Variants in SNX25 observed in about 807,000 individuals in gnomAD.
The protein encoded by SNX25 is sorting nexin-25.
Under a neutral mutation model 113.7 loss-of-function variants are expected in SNX25, and 62 were observed. That is an observed-to-expected ratio of 0.55 (90% CI 0.44 to 0.67). The LOEUF (loss-of-function observed/expected upper bound fraction) is 0.67, where lower values mean the gene tolerates loss of function less well. SNX25 is among the 30% of genes least tolerant of loss of function. The pLI, the probability that SNX25 is intolerant of heterozygous loss-of-function variation, is 0.00. For synonymous variants in SNX25, 421 were observed against 436.2 expected, an observed-to-expected ratio of 0.97 and a Z score of 0.43; for missense variants, 1,014 against 1,161.0, an observed-to-expected ratio of 0.87 and a Z score of 1.84.
At chr4:185,345,928 G>A (rs2095283821) in intron 12 of SNX25, among the ~76,000 whole-genome samples, 1 of 152,016 alleles carries the variant, frequency 6.6e-6, no homozygotes, top group South Asian at 2.1e-4. Flanking sequence ...TGCAACATCA[G>A]CTCACTGCAG....
At chr4:185,261,108 CTGTCTCTGTGTG>C (rs1560944975) in intron 3 of SNX25, among the ~76,000 whole-genome samples, 6 of 130,772 alleles carry the variant, frequency 4.6e-5, no homozygotes, top group African/African-American at 1.5e-4. Context: ...GTCTGTCTGT[CTGTCTCTGTGTG>C]TGTGTGTGTG....
Position 185,310,724 on chromosome 4 carries a change from T to G in SNX25, c.1252T>G (p.Cys418Gly). 1.2e-6 allele frequency: 2 copies of G among 1,613,916 alleles called. No individual in the cohort carries two copies. Among genetic ancestry groups the G allele is most frequent in the Non-Finnish European group, 1.7e-6 (2 of 1,179,956 alleles). ...INQLTVAKKQ[C>G]EKRIRILGGP... ...CCAACTGACTGTGGCAAAGAAGCAGTGTGAGAAGAGAATCCGAATCCTGGG... is the reference window on the plus strand; with the variant it reads ...CCAACTGACTGTGGCAAAGAAGCAGGGTGAGAAGAGAATCCGAATCCTGGG... Residue 418 changes from cysteine to glycine, a missense_variant, in exon 7 of 19, where the codon TGT (cysteine) becomes GGT (glycine). Transcript: ENST00000652585.
At chr4:185,231,078 C>T (rs1439304450) in intron 1 of SNX25, among the ~76,000 whole-genome samples, 1 of 150,000 alleles carries the variant, frequency 6.7e-6, no homozygotes, top group Admixed American at 6.7e-5. Context: ...GTCTTAATAA[C>T]ATGTTTCTTT....
intron 11 of SNX25, among the ~76,000 whole-genome samples, chr4:185,340,223 A>G (rs941340538): frequency 2.0e-5 from 3 of 152,194 alleles, no homozygotes; most frequent in East Asian, 1.9e-4. Context: ...GGTATTTAAT[A>G]TGGCTTATCT....
At chr4:185,349,556 T>C (rs371433211) in intron 13 of SNX25, among the ~76,000 whole-genome samples, 137 of 152,308 alleles carry the variant, frequency 9.0e-4, no homozygotes, top group African/African-American at 3.0e-3. Flanking sequence ...CCCTTTTCTT[T>C]CATATCCTTG....
chr4:185,204,754 T>C (rs980533436), upstream of SNX25, among the ~76,000 whole-genome samples: 1 of 152,196 alleles, frequency 6.6e-6, no homozygotes, highest in Non-Finnish European at 1.5e-5. Flanking sequence ...TAGTGGGAGC[T>C]GTGAGCACAG....
At chr4:185,357,062 G>A (rs2095342435) in intron 15 of SNX25, among the ~76,000 whole-genome samples, 1 of 152,122 alleles carries the variant, frequency 6.6e-6, no homozygotes, top group South Asian at 2.1e-4. Flanking sequence ...GAGGAAATTG[G>A]GGTTCAGAGA....
intron 14 of SNX25, 197 bp from the exon 15 acceptor site, chr4:185,353,288 G>A: frequency 2.1e-6 from 1 of 478,896 alleles, no homozygotes; most frequent in East Asian, 3.0e-5. Context: ...CTTATTTTAA[G>A]CCTTGAATAA....
intron 1 of SNX25, among the ~76,000 whole-genome samples, chr4:185,214,409 A>AG (rs1235926203): frequency 3.2e-4 from 48 of 151,350 alleles, no homozygotes; most frequent in African/African-American, 1.1e-3. Flanking sequence ...AAAAAAAAAA[A>AG]AAAGAAAAAA....
At chr4:185,207,627 TG>T (rs1187451259), upstream of SNX25, 1 of 152,330 alleles carries the variant, frequency 6.6e-6, no homozygotes, top group East Asian at 1.9e-4. Context: ...GGAAGCATCA[TG>T]GCATAGCGAT....
intron 1 of SNX25, among the ~76,000 whole-genome samples, chr4:185,222,841 G>A (rs1740210220): frequency 6.6e-6 from 1 of 152,186 alleles, no homozygotes; most frequent in Non-Finnish European, 1.5e-5. Flanking sequence ...TAATAACTGT[G>A]ACAGTGGGCA....
intron 6 of SNX25, among the ~76,000 whole-genome samples, chr4:185,306,811 CTTAGTT>C (rs1195113120): frequency 1.3e-5 from 2 of 152,232 alleles, no homozygotes; most frequent in Non-Finnish European, 2.9e-5. Context: ...CACAAAACAT[CTTAGTT>C]TGCAATAGAC....
At chr4:185,261,563 G>A (rs535149628) in intron 3 of SNX25, among the ~76,000 whole-genome samples, 2 of 152,290 alleles carry the variant, frequency 1.3e-5, no homozygotes, top group East Asian at 1.9e-4. Context: ...GAAAAATTCA[G>A]TGGTTTTATG....
Position 185,210,942 on chromosome 4 carries a change from G to T in SNX25, c.429+687G>T, listed in dbSNP as rs796159465. ...GGAAAGAACAGTGTTTTAAATGAGC[G>T]CTTCTCTTCTTCAGTGCCAAACCCA... On this transcript the variant is annotated intron_variant, in intron 1 of 18. Transcript: ENST00000652585. This position sits in a 1 kb window ranked among gnomAD's most constrained non-coding sequence, Gnocchi z 4.4. Among the ~76,000 whole-genome samples, 27 of 152,188 alleles carry T rather than the reference G, an allele frequency of 1.8e-4. No homozygotes were observed. Among genetic ancestry groups the T allele is most frequent in the African/African-American group, 5.8e-4 (24 of 41,514 alleles).
chr4:185,320,449 G>T (rs964590073), intron 7 of SNX25, among the ~76,000 whole-genome samples: 2 of 152,032 alleles, frequency 1.3e-5, no homozygotes, highest in East Asian at 1.9e-4. Flanking sequence ...ACACAGGGAG[G>T]GGAACAACAC....
Position 185,285,984 on chromosome 4 carries a change from C to T in SNX25, c.1092-2028C>T, listed in dbSNP as rs1030212966. On this transcript the variant is annotated intron_variant, in intron 5 of 18. Transcript: ENST00000652585. ...GTAGAGACAGGGTCTCCCTTTGTTT[C>T]CCAGGCTGGTCTCAAACTCCTGGGC... is the stretch of plus-strand genomic sequence containing the variant. 1.1e-4 allele frequency among the ~76,000 whole-genome samples: 17 copies of T among 151,608 alleles called. No homozygotes were observed. The East Asian group carries it at 3.1e-3, about 28-fold the overall frequency.
chr4:185,227,067 T>C (rs1741116058), intron 1 of SNX25, among the ~76,000 whole-genome samples: 1 of 152,132 alleles, frequency 6.6e-6, no homozygotes, highest in African/African-American at 2.4e-5. Flanking sequence ...GGTGACTGTA[T>C]CAGTTTTAGG....
Position 185,362,061 on chromosome 4 carries a change from A to T in SNX25, c.2789A>T (p.Glu930Val). The T allele has an allele frequency of 6.2e-7, 1 of 1,614,158 alleles. No individual in the cohort carries two copies. The highest frequency in any genetic ancestry group is 8.5e-7 in the Non-Finnish European group (1 of 1,179,982). Residue 930 changes from glutamate to valine, a missense_variant, in exon 17 of 19, where the codon GAA (glutamate) becomes GTA (valine). Transcript: ENST00000652585. ...TTIRSKEQSQETKQRAQQKLL... is the reference protein window; with the variant it reads ...TTIRSKEQSQVTKQRAQQKLL... ...ATCAGAAGCAAAGAGCAAAGTCAGG[A>T]AACAAAACAGAGAGCACAGCAAAAG...
chr4:185,371,770 T>A (rs1297021677), downstream of SNX25, among the ~76,000 whole-genome samples: 1 of 152,146 alleles, frequency 6.6e-6, no homozygotes, highest in Non-Finnish European at 1.5e-5. Flanking sequence ...TGGCAATCAC[T>A]CCTGTAAGTG....
Sources: gnomAD v4.1 joint callset for allele counts (sites outside exome capture counted in the v4.1 genomes callset) on GRCh38, gnomAD v4.1.1 for gene constraint, Gnocchi (gnomAD v3.1) non-coding constraint, MANE v1.5 for transcripts, NCBI Gene and HGNC (gene_info 2026-07-23, HGNC 2026-07-21) for gene names.